Variants in LRBA observed in about 807,000 individuals in gnomAD.
LRBA encodes the protein LPS responsive beige-like anchor protein.
LRBA carries 176 observed loss-of-function variants against 330.0 expected under a neutral mutation model. That is an observed-to-expected ratio of 0.53 (90% CI 0.47 to 0.60). LRBA has a LOEUF of 0.60. Ranked by LOEUF, LRBA falls within the 20% of genes least tolerant of loss-of-function variation. The pLI is 0.00. For synonymous variants in LRBA, 1,230 were observed against 1,193.0 expected, an observed-to-expected ratio of 1.03 and a Z score of -0.64; for missense variants, 3,259 against 3,444.8, an observed-to-expected ratio of 0.95 and a Z score of 1.35.
chr4:150,288,796 T>C (rs534766901), intron 53 of LRBA, among the ~76,000 whole-genome samples: 152 of 150,852 alleles, frequency 1.0e-3, no homozygotes, highest in Non-Finnish European at 1.3e-3. Context: ...GATTGTTCTT[T>C]TTTTTTTTTT....
intron 48 of LRBA, among the ~76,000 whole-genome samples, chr4:150,348,155 A>C (rs986732279): frequency 6.6e-6 from 1 of 152,176 alleles, no homozygotes; most frequent in African/African-American, 2.4e-5. Context: ...TCCTTAAACA[A>C]TCATTGGTGT....
chr4:150,376,361 T>C (rs2151878302), intron 47 of LRBA, among the ~76,000 whole-genome samples: 1 of 152,358 alleles, frequency 6.6e-6, no homozygotes, highest in Middle Eastern at 3.4e-3. Context: ...AAAATGTTTT[T>C]AGGTCGGCAC....
chr4:150,549,104 A>G (rs573608521), intron 40 of LRBA, among the ~76,000 whole-genome samples: 2 of 152,028 alleles, frequency 1.3e-5, no homozygotes, highest in Non-Finnish European at 2.9e-5. Context: ...TCTAATGAAT[A>G]TATTCTAAGA....
chr4:150,475,636 C>A (rs775743870), intron 42 of LRBA, among the ~76,000 whole-genome samples: 1 of 151,936 alleles, frequency 6.6e-6, no homozygotes, highest in Admixed American at 6.6e-5. Context: ...GTGGTTCACA[C>A]CTGTAATCCC....
chr4:150,697,240 C>G (rs919735165), intron 36 of LRBA, among the ~76,000 whole-genome samples: 1 of 143,862 alleles, frequency 7.0e-6, no homozygotes, highest in African/African-American at 2.6e-5. Context: ...CAGAGAAGTG[C>G]TTGAACCCAG....
intron 2 of LRBA, among the ~76,000 whole-genome samples, chr4:150,945,426 C>T (rs1465340867): frequency 3.9e-5 from 6 of 152,110 alleles, no homozygotes; most frequent in Non-Finnish European, 8.8e-5. Flanking sequence ...ATGTTCAAGA[C>T]ACAATACTAA....
intron 46 of LRBA, among the ~76,000 whole-genome samples, chr4:150,423,955 T>C (rs1011569152): frequency 1.3e-5 from 2 of 152,138 alleles, no homozygotes; most frequent in Non-Finnish European, 2.9e-5. Context: ...AAATTATGAC[T>C]AAAAGTTGGG....
intron 2 of LRBA, among the ~76,000 whole-genome samples, chr4:151,008,251 T>G (rs562397377): frequency 7.2e-5 from 11 of 152,092 alleles, no homozygotes; most frequent in African/African-American, 2.6e-4. Flanking sequence ...TGGCTAATTT[T>G]TGTATTTTTA....
chr4:150,720,936 G>C (rs943102542), intron 36 of LRBA: 3 of 405,618 alleles, frequency 7.4e-6, no homozygotes, highest in African/African-American at 6.3e-5. Context: ...AAGTTCTAAG[G>C]GAATTTAAGT....
chr4:150,905,753 A>C, intron 13 of LRBA, 85 bp downstream of exon 13: 1 of 1,248,886 alleles, frequency 8.0e-7, no homozygotes, highest in Non-Finnish European at 1.1e-6. Context: ...ACATAAAAAA[A>C]AGAAAATCCT....
intron 22 of LRBA, among the ~76,000 whole-genome samples, chr4:150,865,080 G>T (rs1244853922): frequency 1.3e-5 from 2 of 152,000 alleles, no homozygotes; most frequent in Non-Finnish European, 2.9e-5. Flanking sequence ...CTTTATACTG[G>T]GCACTTCCCT....
intron 28 of LRBA, 133 bp downstream of exon 28, chr4:150,843,962 CAAAAG>C (rs1749474887): frequency 1.9e-6 from 1 of 540,410 alleles, no homozygotes; most frequent in East Asian, 2.8e-5. Context: ...AAATCATTGT[CAAAAG>C]AAGTCGTTTC....
intron 37 of LRBA, among the ~76,000 whole-genome samples, chr4:150,602,629 G>C (rs989295984): frequency 1.3e-5 from 2 of 152,050 alleles, no homozygotes; most frequent in East Asian, 3.8e-4. Context: ...TTATAAAGGA[G>C]AATGTGTAGG....
chr4:150,678,730 T>G (rs1386582702), intron 37 of LRBA, among the ~76,000 whole-genome samples: 1 of 152,186 alleles, frequency 6.6e-6, no homozygotes, highest in Non-Finnish European at 1.5e-5. Context: ...ATAAAGAATT[T>G]CTAGCATCGT....
intron 35 of LRBA, among the ~76,000 whole-genome samples, chr4:150,739,569 G>C (rs988712836): frequency 1.3e-5 from 2 of 152,208 alleles, no homozygotes; most frequent in Non-Finnish European, 2.9e-5. Flanking sequence ...GTAAGAAGGA[G>C]ATGGGGCTTG....
chr4:150,924,902 G>A (rs752532443), intron 4 of LRBA, among the ~76,000 whole-genome samples: 1 of 151,960 alleles, frequency 6.6e-6, no homozygotes, highest in Non-Finnish European at 1.5e-5. Context: ...AATGTTTGGG[G>A]CTGAGTGTGG....
chr4:150,638,096 A>ATT (rs5862932), intron 37 of LRBA, among the ~76,000 whole-genome samples: 70 of 146,752 alleles, frequency 4.8e-4, no homozygotes, highest in Non-Finnish European at 4.4e-4. Flanking sequence ...TTCTTTAATT[A>ATT]TTTTTTTTTT....
intron 5 of LRBA, among the ~76,000 whole-genome samples, chr4:150,919,520 G>A (rs1733015529): frequency 6.6e-6 from 1 of 152,086 alleles, no homozygotes; most frequent in Admixed American, 6.6e-5. Context: ...CCAAACTTCA[G>A]TAATAACACT....
chr4:150,849,196 C>G (rs1216763001), intron 25 of LRBA, among the ~76,000 whole-genome samples, 198 bp from the exon 26 acceptor site: 1 of 152,104 alleles, frequency 6.6e-6, no homozygotes, highest in Non-Finnish European at 1.5e-5. Flanking sequence ...GGTGAAACAT[C>G]ATGAACCACA....
Sources: gnomAD v4.1 joint callset for allele counts (sites outside exome capture counted in the v4.1 genomes callset) on GRCh38, gnomAD v4.1.1 for gene constraint, MANE v1.5 for transcripts, NCBI Gene and HGNC (gene_info 2026-07-23, HGNC 2026-07-21) for gene names.